COMMD1: variants seen among roughly 807,000 people sequenced by gnomAD.
COMMD1 encodes copper metabolism domain containing 1, also known as COMM domain-containing protein 1.
In COMMD1, 10 loss-of-function variants were observed where a neutral mutation model predicts 17.2. That is an observed-to-expected ratio of 0.58 (90% CI 0.36 to 0.99). The LOEUF is 0.99. Among genes scored for constraint, COMMD1 ranks in the 50% least tolerant of loss-of-function variants. COMMD1 has a pLI of 0.01. For missense variants in COMMD1, 270 were observed against 231.8 expected, an observed-to-expected ratio of 1.17 and a Z score of -1.07; for synonymous variants, 97 against 91.6, an observed-to-expected ratio of 1.06 and a Z score of -0.34.
chr2:62,007,413 G>A (rs1042236170), intron 2 of COMMD1, among the ~76,000 whole-genome samples: 10 of 152,088 alleles, frequency 6.6e-5, no homozygotes, highest in African/African-American at 1.4e-4. Context: ...CTCTAATCTC[G>A]AGGGAAAGTA....
intron 2 of COMMD1, among the ~76,000 whole-genome samples, chr2:62,097,650 A>T (rs986243785): frequency 1.3e-5 from 2 of 152,182 alleles, no homozygotes; most frequent in African/African-American, 4.8e-5. Context: ...GAAAAAGGTG[A>T]TGCCTCACTA....
At chr2:61,929,119 T>C (rs1670400050) in intron 1 of COMMD1, among the ~76,000 whole-genome samples, 1 of 152,266 alleles carries the variant, frequency 6.6e-6, no homozygotes, top group African/African-American at 2.4e-5. Context: ...GCAAGTGTTC[T>C]TCTGAAAACA....
Position 61,907,768 on chromosome 2 carries a change from A to G in COMMD1, c.180+1910A>G, listed in dbSNP as rs559816459. On this transcript the variant is annotated intron_variant, in intron 1 of 2. Transcript: ENST00000311832. ...TGCAATGGTGTGATCTCCGCTCTCT[A>G]CAACCTCCGCCTCCCGGGTTCAGGT... is the stretch of plus-strand genomic sequence containing the variant. 7.0e-4 allele frequency among the ~76,000 whole-genome samples: 107 copies of G among 151,988 alleles called. 1 individual carries two copies. The highest frequency in any genetic ancestry group is 2.4e-3 in the African/African-American group (99 of 41,456).
chr2:61,943,662 C>T (rs1670812413), intron 1 of COMMD1, among the ~76,000 whole-genome samples: 2 of 152,056 alleles, frequency 1.3e-5, no homozygotes, highest in African/African-American at 4.8e-5. Context: ...TGGTGAAAAC[C>T]CGTCTCTACT....
intron 2 of COMMD1, among the ~76,000 whole-genome samples, chr2:62,016,206 C>CTTTTTTTTTTTTTTTTTTTTTT (rs769583167): frequency 6.2e-5 from 7 of 112,260 alleles, no homozygotes; most frequent in Non-Finnish European, 9.2e-5. Flanking sequence ...CTTTTCTTTT[C>CTTTTTTTTTTTTTTTTTTTTTT]TTTTTTTTTT....
At chr2:62,134,965 A>T (rs1673150640) in intron 2 of COMMD1, among the ~76,000 whole-genome samples, 1 of 152,200 alleles carries the variant, frequency 6.6e-6, no homozygotes, top group Non-Finnish European at 1.5e-5. Context: ...TTCCCAAGCA[A>T]CTTGTCACAA....
At chr2:62,034,161 G>T (rs562545288) in intron 2 of COMMD1, among the ~76,000 whole-genome samples, 8 of 151,796 alleles carry the variant, frequency 5.3e-5, no homozygotes, top group Non-Finnish European at 1.2e-4. Flanking sequence ...TGTTGGGGTG[G>T]AAATGTTAGG....
intron 1 of COMMD1, among the ~76,000 whole-genome samples, chr2:61,996,880 A>G (rs1031552300): frequency 2.6e-5 from 4 of 152,136 alleles, no homozygotes; most frequent in African/African-American, 7.2e-5. Flanking sequence ...GATGGAATCA[A>G]CTTCTTCCAA....
At chr2:61,972,020 G>A in intron 1 of COMMD1, among the ~76,000 whole-genome samples, 1 of 152,098 alleles carries the variant, frequency 6.6e-6, no homozygotes, top group South Asian at 2.1e-4. Context: ...CTGCTCAGGA[G>A]GCTAAGGTAA....
At chr2:61,981,773 A>G (rs1372075976) in intron 1 of COMMD1, among the ~76,000 whole-genome samples, 1 of 152,154 alleles carries the variant, frequency 6.6e-6, no homozygotes, top group East Asian at 1.9e-4. Flanking sequence ...CGAGAACAGC[A>G]TGGGAAAGAC....
intron 2 of COMMD1, among the ~76,000 whole-genome samples, chr2:62,086,989 A>G (rs768548618): frequency 4.6e-5 from 7 of 151,744 alleles, no homozygotes; most frequent in Non-Finnish European, 2.9e-5. Context: ...ATGCCTGGCT[A>G]ATTTTTGTAT....
intron 2 of COMMD1, among the ~76,000 whole-genome samples, chr2:62,082,421 A>C (rs1671549020): frequency 6.6e-6 from 1 of 152,194 alleles, no homozygotes; most frequent in Non-Finnish European, 1.5e-5. Flanking sequence ...ACCTGGAGCC[A>C]GGTTGTCCCC....
At position 62,099,825 on chromosome 2, in the gene COMMD1, T is replaced by G. The variant is rs1403329960; in HGVS notation, c.463-36006T>G. Among the ~76,000 whole-genome samples the G allele has an allele frequency of 3.3e-5, 5 of 152,068 alleles. No individual in the cohort carries two copies. In the East Asian group the frequency reaches 9.6e-4, roughly 29 times the overall value. On this transcript the variant is annotated intron_variant, in intron 2 of 2. Coordinates refer to ENST00000311832, the MANE Select transcript of COMMD1 (RefSeq NM_152516.4). ...GTTGGGGAGTTTCCTGTAGGGCCGC[T>G]GCATGTTGCGGAGAGTCAACCTCCC...
At chr2:62,038,254 C>A (rs187952335) in intron 2 of COMMD1, among the ~76,000 whole-genome samples, 2 of 152,306 alleles carry the variant, frequency 1.3e-5, no homozygotes, top group Admixed American at 6.5e-5. Context: ...CGCCATTGCA[C>A]TCCAGCCTGG....
intron 2 of COMMD1, among the ~76,000 whole-genome samples, chr2:62,052,885 A>C (rs1049551695): frequency 3.9e-5 from 6 of 152,180 alleles, no homozygotes; most frequent in Non-Finnish European, 2.9e-5. Context: ...CCTGGGCAAC[A>C]TGACAAAACT....
At chr2:62,039,777 A>G (rs2103892123) in intron 2 of COMMD1, among the ~76,000 whole-genome samples, 1 of 152,270 alleles carries the variant, frequency 6.6e-6, no homozygotes, top group South Asian at 2.1e-4. Flanking sequence ...CTTTTTTCTT[A>G]TTTAAAGCTC....
chr2:62,121,736 C>T (rs1178247228), intron 2 of COMMD1, among the ~76,000 whole-genome samples: 1 of 135,434 alleles, frequency 7.4e-6, no homozygotes, highest in Non-Finnish European at 1.5e-5. Context: ...GAGACTCCGT[C>T]TCAAAAAAAA....
intron 1 of COMMD1, among the ~76,000 whole-genome samples, chr2:61,952,721 A>G (rs1671090818): frequency 6.6e-6 from 1 of 152,166 alleles, no homozygotes; most frequent in Non-Finnish European, 1.5e-5. Context: ...TATTAATTAA[A>G]TTCTTTCTTT....
intron 2 of COMMD1, among the ~76,000 whole-genome samples, chr2:62,096,909 T>C (rs1672027523): frequency 6.6e-6 from 1 of 152,226 alleles, no homozygotes; most frequent in African/African-American, 2.4e-5. Context: ...GGAAATTCAA[T>C]GTCATCTAAA....
Sources: gnomAD v4.1 joint callset for allele counts (sites outside exome capture counted in the v4.1 genomes callset) on GRCh38, gnomAD v4.1.1 for gene constraint, MANE v1.5 for transcripts, NCBI Gene and HGNC (gene_info 2026-07-23, HGNC 2026-07-21) for gene names.